Variants in DMD observed in about 807,000 individuals in gnomAD.
The protein encoded by DMD is mutant dystrophin.
Under a neutral mutation model 330.1 loss-of-function variants are expected in DMD, and 63 were observed. The ratio of observed to expected loss-of-function variants is 0.19; its 90% confidence interval spans 0.16 to 0.24. DMD has a LOEUF of 0.24. DMD is among the 10% of genes least tolerant of loss of function. DMD has a pLI of 1.00. For synonymous variants in DMD, 1,223 were observed against 959.8 expected, an observed-to-expected ratio of 1.27 and a Z score of -5.07; for missense variants, 3,344 against 2,684.1, an observed-to-expected ratio of 1.25 and a Z score of -5.43.
intron 9 of DMD, among the ~76,000 whole-genome samples, chrX:32,661,789 A>T (rs966519201): frequency 9.0e-6 from 1 of 111,395 alleles, no homozygotes; most frequent in Non-Finnish European, 1.9e-5. Flanking sequence ...TCTATATAAA[A>T]ATAAAAAATG....
At chrX:31,502,763 A>ATG (rs1406385249) in intron 56 of DMD, among the ~76,000 whole-genome samples, 1 of 111,693 alleles carries the variant, frequency 9.0e-6, no homozygotes, top group Non-Finnish European at 1.9e-5. Flanking sequence ...CTTCATATAT[A>ATG]TTTCTTATGT....
chrX:31,218,586 T>G (rs2045652294), intron 64 of DMD, among the ~76,000 whole-genome samples: 1 of 111,989 alleles, frequency 8.9e-6, no homozygotes, highest in Non-Finnish European at 1.9e-5. Flanking sequence ...AATGGAAGCC[T>G]TGGTTTACTT....
chrX:32,485,693 T>C (rs2042366193), intron 20 of DMD, among the ~76,000 whole-genome samples: 1 of 104,520 alleles, frequency 9.6e-6, no homozygotes, highest in Non-Finnish European at 2.0e-5. Flanking sequence ...CTATGTTTTG[T>C]ATGGTCTCAT....
intron 21 of DMD, among the ~76,000 whole-genome samples, chrX:32,474,438 A>T (rs1195351694): frequency 1.8e-5 from 2 of 111,544 alleles, no homozygotes; most frequent in African/African-American, 6.5e-5. Flanking sequence ...GAATCTCCAC[A>T]CTCTTTTCCA....
chrX:32,900,757 T>A (rs1221740996), intron 2 of DMD, among the ~76,000 whole-genome samples: 1 of 111,670 alleles, frequency 9.0e-6, no homozygotes, highest in African/African-American at 3.3e-5. Context: ...AAAAAAGGAA[T>A]TTTCGTTGAT....
chrX:32,903,144 C>CAAAAAAAAAAAAAAAAAA (rs34973696), intron 2 of DMD, among the ~76,000 whole-genome samples: 1 of 32,991 alleles, frequency 3.0e-5, no homozygotes, highest in African/African-American at 1.4e-4. Context: ...GACTCAGTCT[C>CAAAAAAAAAAAAAAAAAA]AAAAAAAAAA....
At chrX:32,629,820 A>G (rs1287262000) in intron 11 of DMD, among the ~76,000 whole-genome samples, 1 of 109,984 alleles carries the variant, frequency 9.1e-6, no homozygotes, top group Non-Finnish European at 1.9e-5. Flanking sequence ...AAAATGCTAC[A>G]CTTTAACTTC....
At chrX:31,293,165 T>G (rs1309100576) in intron 62 of DMD, among the ~76,000 whole-genome samples, 7 of 77,725 alleles carry the variant, frequency 9.0e-5, no homozygotes, top group African/African-American at 4.5e-4. Context: ...CCCAACCCGG[T>G]GTGTGTGTGT....
At chrX:33,273,933 C>A (rs1013373045) in intron 1 of DMD, among the ~76,000 whole-genome samples, 1 of 112,018 alleles carries the variant, frequency 8.9e-6, no homozygotes, top group African/African-American at 3.3e-5. Context: ...CCATCAATAG[C>A]AAAAATTCTC....
intron 17 of DMD, among the ~76,000 whole-genome samples, chrX:32,522,532 C>T (rs1301291118): frequency 2.7e-5 from 3 of 111,732 alleles, no homozygotes; most frequent in Admixed American, 9.5e-5. Context: ...TTGAAATATA[C>T]GGTAGTAAAA....
intron 37 of DMD, among the ~76,000 whole-genome samples, chrX:32,360,421 G>T (rs946638902): frequency 8.1e-5 from 9 of 111,586 alleles, no homozygotes; most frequent in Admixed American, 7.7e-4. Context: ...ACACTCAGTT[G>T]CCTTTACTAA....
In DMD at chrX:32,752,451, C is replaced by T. The variant is rs181057480; in HGVS notation, c.650-53158G>A. On this transcript the variant is annotated intron_variant, in intron 7 of 78. Coordinates refer to ENST00000357033, the MANE Select transcript of DMD (RefSeq NM_004006.3). ...GGACAATTTCTCCTATTTGGAAGGG[C>T]TATATTTACCCAATGCCTGTAACCC... is the stretch of plus-strand genomic sequence containing the variant. 3.5e-3 allele frequency among the ~76,000 whole-genome samples: 379 copies of T among 109,268 alleles called. 1 individual carries two copies. The highest frequency in any genetic ancestry group is 6.2e-3 in the South Asian group (15 of 2,431). 94.9% of individuals were successfully genotyped at this position (109,268 alleles called of 115,157 possible). A position where few individuals can be genotyped will look rare whatever the true frequency, so the allele number is the denominator to read the frequency against.
intron 51 of DMD, among the ~76,000 whole-genome samples, chrX:31,748,308 T>C (rs1042582806): frequency 4.5e-5 from 5 of 111,872 alleles, no homozygotes; most frequent in African/African-American, 1.6e-4. Flanking sequence ...TCACAGTACA[T>C]GTGCTACTGA....
intron 53 of DMD, among the ~76,000 whole-genome samples, chrX:31,669,261 G>A (rs1012712572): frequency 2.7e-5 from 3 of 111,444 alleles, no homozygotes; most frequent in Non-Finnish European, 5.7e-5. Context: ...CCATATCCTT[G>A]ATCAACACTT....
At chrX:33,053,396 C>T (rs1324514914) in intron 1 of DMD, among the ~76,000 whole-genome samples, 1 of 110,381 alleles carries the variant, frequency 9.1e-6, no homozygotes, top group Non-Finnish European at 1.9e-5. Context: ...GAGTTCGAGA[C>T]CAGCCTGGCC....
intron 1 of DMD, among the ~76,000 whole-genome samples, chrX:33,062,263 A>G (rs907868996): frequency 7.2e-5 from 8 of 111,813 alleles, no homozygotes; most frequent in African/African-American, 2.6e-4. Flanking sequence ...ATGAATAATC[A>G]TCTTTGGCAA....
chrX:31,332,446 A>G (rs1352352167), intron 61 of DMD, among the ~76,000 whole-genome samples: 1 of 111,665 alleles, frequency 9.0e-6, no homozygotes, highest in Non-Finnish European at 1.9e-5. Context: ...AGAAGGGGAG[A>G]GGGGAAACAG....
At chrX:32,788,590 A>G (rs893491506) in intron 7 of DMD, among the ~76,000 whole-genome samples, 5 of 111,951 alleles carry the variant, frequency 4.5e-5, no homozygotes, top group African/African-American at 6.5e-5. Context: ...TTACAACTAC[A>G]CTAACAGTGC....
intron 17 of DMD, among the ~76,000 whole-genome samples, chrX:32,526,179 C>A: frequency 8.9e-6 from 1 of 111,874 alleles, no homozygotes; most frequent in African/African-American, 3.2e-5. Context: ...CTTTACCTAG[C>A]TTAAAATCTC....
Sources: gnomAD v4.1 joint callset for allele counts (sites outside exome capture counted in the v4.1 genomes callset) on GRCh38, gnomAD v4.1.1 for gene constraint, MANE v1.5 for transcripts, NCBI Gene and HGNC (gene_info 2026-07-23, HGNC 2026-07-21) for gene names.